The following IFT81 variants were observed in gnomAD, a reference collection of about 807,000 sequenced individuals.
IFT81 encodes intraflagellar transport 81, also known as intraflagellar transport protein 81 homolog.
A neutral mutation model predicts 102.6 loss-of-function variants in IFT81; 72 were observed. That is an observed-to-expected ratio of 0.70 (90% CI 0.58 to 0.85). The LOEUF (loss-of-function observed/expected upper bound fraction) is 0.85, where lower values mean the gene tolerates loss of function less well. IFT81 is among the 40% of genes least tolerant of loss of function. IFT81 has a pLI of 0.00. For synonymous variants in IFT81, 237 were observed against 242.7 expected, an observed-to-expected ratio of 0.98 and a Z score of 0.22; for missense variants, 723 against 787.3, an observed-to-expected ratio of 0.92 and a Z score of 0.98.
chr12:110,181,148 C>A (rs1897303697), intron 12 of IFT81, among the ~76,000 whole-genome samples: 1 of 152,026 alleles, frequency 6.6e-6, no homozygotes, highest in African/African-American at 2.4e-5. Context: ...GCTGGTTTAC[C>A]AGCTAGCAAT....
At chr12:110,192,583 T>A (rs775922565) in intron 13 of IFT81, 34 bp from the exon 14 acceptor site, 39 of 1,131,584 alleles carry the variant, frequency 3.4e-5, no homozygotes, top group Non-Finnish European at 4.9e-5. Flanking sequence ...TTTGAATTCT[T>A]TTTTAGGTGT....
At chr12:110,174,284 A>T (rs1350414428) in intron 11 of IFT81, among the ~76,000 whole-genome samples, 1 of 143,286 alleles carries the variant, frequency 7.0e-6, no homozygotes, top group African/African-American at 2.7e-5. Context: ...TCTCAAAAAA[A>T]AAAAAAAAAA....
At chr12:110,144,775 G>T (rs1895105639) in intron 9 of IFT81, among the ~76,000 whole-genome samples, 1 of 151,678 alleles carries the variant, frequency 6.6e-6, no homozygotes, top group Non-Finnish European at 1.5e-5. Context: ...CTCCCAAAGT[G>T]CTGGGATTAC....
At chr12:110,166,926 A>C (rs1896465614) in intron 11 of IFT81, among the ~76,000 whole-genome samples, 1 of 151,976 alleles carries the variant, frequency 6.6e-6, no homozygotes, top group Non-Finnish European at 1.5e-5. Context: ...CTTATCTTGG[A>C]AAAATTTAGG....
intron 12 of IFT81, among the ~76,000 whole-genome samples, chr12:110,184,958 C>T (rs910202087): frequency 1.3e-5 from 2 of 152,156 alleles, no homozygotes; most frequent in Non-Finnish European, 2.9e-5. Flanking sequence ...CAATCTGAGC[C>T]ATAAATTTTG....
At chr12:110,142,126 T>G (rs1433341786) in intron 8 of IFT81, among the ~76,000 whole-genome samples, 1 of 152,204 alleles carries the variant, frequency 6.6e-6, no homozygotes, top group Non-Finnish European at 1.5e-5. Context: ...CATGGAAAAC[T>G]TAAAACATTT....
At position 110,197,959 on chromosome 12, in the gene IFT81, G is replaced by A. The variant is rs571190617; in HGVS notation, c.1557+5253G>A. 1.5e-4 allele frequency among the ~76,000 whole-genome samples: 23 copies of A among 152,228 alleles called. No individual in the cohort carries two copies. The East Asian group carries it at 1.5e-3, about 10-fold the overall frequency. On this transcript the variant is annotated intron_variant, in intron 14 of 18. Transcript: ENST00000242591. ...ACTCCTGACCTTAGGTGATCCGCCC[G>A]CCTCAGCCTCCCAAAGTACTGGGAT...
chr12:110,203,844 A>G lies in IFT81; in HGVS notation c.1558-20A>G. 6.5e-7 allele frequency: 1 copy of G among 1,544,528 alleles called. No homozygotes were observed. Among genetic ancestry groups the G allele is most frequent in the Non-Finnish European group, 9.0e-7 (1 of 1,117,036 alleles). On this transcript the variant is annotated intron_variant, in intron 14 of 18. Transcript: ENST00000242591. The stretch of plus-strand genomic sequence containing the variant: ...ACCTTTGTTTTTCACTTATTCAATC[A>G]TTTTCCCTTTTTATACTAGGAACTG...
At chr12:110,203,394 T>C (rs185800373) in intron 14 of IFT81, 3 of 159,146 alleles carry the variant, frequency 1.9e-5, no homozygotes, top group African/African-American at 7.2e-5. Flanking sequence ...AAATACTGTC[T>C]TCCCCTTGTT....
At chr12:110,190,891 T>A in intron 12 of IFT81, 29 bp from the exon 13 acceptor site, 1 of 1,476,356 alleles carries the variant, frequency 6.8e-7, no homozygotes, top group Non-Finnish European at 9.0e-7. Context: ...TTTGACATGT[T>A]TTGTGGCCTT....
intron 12 of IFT81, among the ~76,000 whole-genome samples, chr12:110,186,817 C>G (rs1897555066): frequency 6.6e-6 from 1 of 152,202 alleles, no homozygotes; most frequent in African/African-American, 2.4e-5. Context: ...CATGAGCCAC[C>G]ACGCCCAGCC....
intron 14 of IFT81, among the ~76,000 whole-genome samples, chr12:110,200,571 A>T (rs1426774173): frequency 6.6e-6 from 1 of 152,144 alleles, no homozygotes; most frequent in African/African-American, 2.4e-5. Context: ...GTACACTATG[A>T]TAGACTTTGG....
intron 10 of IFT81, among the ~76,000 whole-genome samples, chr12:110,148,656 G>T (rs1430291079): frequency 6.6e-6 from 1 of 151,902 alleles, no homozygotes; most frequent in Non-Finnish European, 1.5e-5. Context: ...TGTATATTTA[G>T]TAGAGACAGG....
chr12:110,155,242 T>A (rs1225880750), intron 10 of IFT81, among the ~76,000 whole-genome samples: 3 of 152,236 alleles, frequency 2.0e-5, no homozygotes, highest in Admixed American at 6.5e-5. Context: ...CCTTTCACTT[T>A]CAGTTTAGTT....
intron 10 of IFT81, among the ~76,000 whole-genome samples, chr12:110,149,998 C>T (rs1895434442): frequency 6.6e-6 from 1 of 152,208 alleles, no homozygotes; most frequent in South Asian, 2.1e-4. Flanking sequence ...GAGCCCTCAC[C>T]AGGGACCATG....
At chr12:110,146,308 G>A (rs533429332) in intron 9 of IFT81, among the ~76,000 whole-genome samples, 2 of 152,236 alleles carry the variant, frequency 1.3e-5, no homozygotes, top group East Asian at 1.9e-4. Context: ...GATAGTTATC[G>A]AAGAATCACA....
intron 3 of IFT81, 144 bp from the exon 4 acceptor site, chr12:110,128,806 A>G (rs1212539966): frequency 3.2e-6 from 2 of 620,358 alleles, no homozygotes; most frequent in Non-Finnish European, 5.4e-6. Context: ...AAAAAAAAAA[A>G]AAAAGATTCC....
At chr12:110,204,813 A>G (rs1868407315) in intron 15 of IFT81, 1 of 152,258 alleles carries the variant, frequency 6.6e-6, no homozygotes, top group South Asian at 2.1e-4. Context: ...CCCATCTCAA[A>G]TATCCTTCAT....
intron 5 of IFT81, among the ~76,000 whole-genome samples, chr12:110,134,676 C>T (rs1394814673): frequency 6.6e-6 from 1 of 152,114 alleles, no homozygotes; most frequent in Non-Finnish European, 1.5e-5. Context: ...GGAATCAGAA[C>T]ACAAATGTGC....
Sources: gnomAD v4.1 joint callset for allele counts (sites outside exome capture counted in the v4.1 genomes callset) on GRCh38, gnomAD v4.1.1 for gene constraint, MANE v1.5 for transcripts, NCBI Gene and HGNC (gene_info 2026-07-23, HGNC 2026-07-21) for gene names.